MRPS6: variants seen among roughly 807,000 people sequenced by gnomAD.
The protein encoded by MRPS6 is mitochondrial ribosomal protein S6.
A neutral mutation model predicts 13.1 loss-of-function variants in MRPS6; 6 were observed. That is an observed-to-expected ratio of 0.46 (90% CI 0.25 to 0.91). The LOEUF is 0.91. Among genes scored for constraint, MRPS6 ranks in the 40% least tolerant of loss-of-function variants. The pLI, the probability that MRPS6 is intolerant of heterozygous loss-of-function variation, is 0.18. For missense variants in MRPS6, 164 were observed against 155.6 expected, an observed-to-expected ratio of 1.05 and a Z score of -0.29; for synonymous variants, 61 against 56.5, an observed-to-expected ratio of 1.08 and a Z score of -0.36.
chr21:34,104,388 A>T (rs1979384839), intron 1 of MRPS6: 1 of 1,000,092 alleles, frequency 1.0e-6, no homozygotes, highest in Non-Finnish European at 1.2e-6. Context: ...ACCTCCGAGT[A>T]GCTTGTTTAT....
intron 1 of MRPS6, among the ~76,000 whole-genome samples, chr21:34,110,654 C>G (rs1357299603): frequency 6.6e-6 from 1 of 152,194 alleles, no homozygotes; most frequent in Non-Finnish European, 1.5e-5. Context: ...TTACCTCAAA[C>G]ACTGCATGAG....
At chr21:34,139,000 T>A (rs1229441495) in intron 2 of MRPS6, among the ~76,000 whole-genome samples, 1 of 151,108 alleles carries the variant, frequency 6.6e-6, no homozygotes, top group Non-Finnish European at 1.5e-5. Context: ...TGGAATACTA[T>A]GCAGCCATAA....
chr21:34,100,958 A>G (rs775812635), intron 1 of MRPS6: 3 of 1,000,034 alleles, frequency 3.0e-6, no homozygotes, highest in Non-Finnish European at 3.6e-6. Flanking sequence ...ACTTATGATG[A>G]TTCTCCTGGC....
intron 1 of MRPS6, among the ~76,000 whole-genome samples, chr21:34,093,698 A>G (rs770950238): frequency 2.0e-5 from 3 of 152,238 alleles, no homozygotes; most frequent in Non-Finnish European, 4.4e-5. Flanking sequence ...TGTTGTTCGT[A>G]TTGATCTGTC....
At chr21:34,125,510 GT>G (rs1178552351) in intron 2 of MRPS6, 30 bp downstream of exon 2, 1 of 1,610,646 alleles carries the variant, frequency 6.2e-7, no homozygotes, top group Non-Finnish European at 8.5e-7. Flanking sequence ...CTTGAAAGAC[GT>G]TTTTGATAGG....
At chr21:34,123,506 T>A (rs1980196089) in intron 1 of MRPS6, 1 of 151,956 alleles carries the variant, frequency 6.6e-6, no homozygotes, top group Non-Finnish European at 1.5e-5. Context: ...CCTGTCAGCA[T>A]CTCTCTAGAG....
rs777145221 is a variant in MRPS6 at position 34,096,575 on chromosome 21, A to G, written c.45+22830A>G. 5.0e-6 allele frequency: 8 copies of G among 1,613,892 alleles called. No individual in the cohort carries two copies. Among genetic ancestry groups the G allele is most frequent in the Admixed American group, 3.3e-5 (2 of 59,984 alleles). ...CAGTGGCAGCCTTGTTCCTGCTGGC[A>G]ATTTTCTGGAAGCGCTGCAATGAAC... On this transcript the variant is annotated intron_variant, in intron 1 of 2. Transcript: ENST00000399312. This position sits in a 1 kb window ranked among gnomAD's most constrained non-coding sequence, Gnocchi z 5.9.
chr21:34,087,127 TA>T (rs1978428857), intron 1 of MRPS6, among the ~76,000 whole-genome samples: 1 of 152,220 alleles, frequency 6.6e-6, no homozygotes, highest in South Asian at 2.1e-4. Context: ...TACAGGTTTT[TA>T]CTATGTCATG....
intron 2 of MRPS6, among the ~76,000 whole-genome samples, chr21:34,140,156 C>G (rs35999386): frequency 0.21 from 32,476 of 151,150 alleles, 4,282 homozygotes; most frequent in South Asian, 0.37. Flanking sequence ...CTCTTCTCAT[C>G]TTACTGGATT....
Position 34,096,581 on chromosome 21 carries a change from C to T in MRPS6, c.45+22836C>T. On this transcript the variant is annotated intron_variant, in intron 1 of 2. Coordinates refer to ENST00000399312, the MANE Select transcript of MRPS6 (RefSeq NM_032476.4). The surrounding 1 kb of genome is among the most constrained non-coding windows in gnomAD (Gnocchi z 5.9). ...CAGCCTTGTTCCTGCTGGCAATTTT[C>T]TGGAAGCGCTGCAATGAACAAGGGG... 6.2e-7 allele frequency: 1 copy of T among 1,614,086 alleles called. No homozygotes were observed. The highest frequency in any genetic ancestry group is 8.5e-7 in the Non-Finnish European group (1 of 1,179,994).
intron 1 of MRPS6, among the ~76,000 whole-genome samples, chr21:34,079,599 CT>C (rs1354027123): frequency 8.6e-6 from 1 of 116,728 alleles, no homozygotes; most frequent in East Asian, 2.4e-4. Context: ...CCAGACCCAG[CT>C]AATTTTTTTT....
At chr21:34,107,916 A>C (rs999650640) in intron 1 of MRPS6, among the ~76,000 whole-genome samples, 1 of 152,182 alleles carries the variant, frequency 6.6e-6, no homozygotes, top group Non-Finnish European at 1.5e-5. Context: ...AGTGGCTTGG[A>C]GTACTCACTG....
chr21:34,074,703 CAAA>C (rs1989283143), intron 1 of MRPS6, among the ~76,000 whole-genome samples: 2 of 152,124 alleles, frequency 1.3e-5, no homozygotes, highest in Admixed American at 6.5e-5. Context: ...TGTAATAAAA[CAAA>C]AATCATTGTA....
chr21:34,106,214 G>A (rs1393854429), intron 1 of MRPS6: 13 of 969,258 alleles, frequency 1.3e-5, no homozygotes, highest in African/African-American at 1.8e-5. Context: ...TTATTTTATG[G>A]AAATGTTAGC....
In MRPS6 at chr21:34,099,955, C is replaced by T. The variant is rs535887067; in HGVS notation, c.46-25386C>T. On this transcript the variant is annotated intron_variant, in intron 1 of 2. Coordinates refer to ENST00000399312, the MANE Select transcript of MRPS6 (RefSeq NM_032476.4). ...AGGGACCAGTCTTCAATCTATATTT[C>T]ATTAGAATGATTGTTCCTGGAATGA... 17 of 442,826 alleles carry T rather than the reference C, an allele frequency of 3.8e-5. No individual in the cohort carries two copies. In the East Asian group the frequency reaches 2.3e-3, roughly 61 times the overall value. 27.4% of individuals were successfully genotyped at this position (442,826 alleles called of 1,614,324 possible).
chr21:34,097,283 A>G (rs760343616), intron 1 of MRPS6: 1 of 1,613,424 alleles, frequency 6.2e-7, no homozygotes, highest in Non-Finnish European at 8.5e-7. Flanking sequence ...GGCAAGTTAA[A>G]GTAATACTAA....
Position 34,142,829 on chromosome 21 carries a change from G to T in MRPS6, c.*229G>T. 1 of 374,178 alleles carries T rather than the reference G, an allele frequency of 2.7e-6. No individual in the cohort carries two copies. Among genetic ancestry groups the T allele is most frequent in the Non-Finnish European group, 4.7e-6 (1 of 214,566 alleles). 23.2% of individuals were successfully genotyped at this position (374,178 alleles called of 1,614,324 possible). On this transcript the variant is annotated 3_prime_UTR_variant, in exon 3 of 3. Transcript: ENST00000399312. ...GTACCAGTGGATCGTTCTTGATTTT[G>T]TTTTCATTAGTGTCATTTCTTTGTC...
At chr21:34,123,439 C>T (rs144699135) in intron 1 of MRPS6, 3 of 152,170 alleles carry the variant, frequency 2.0e-5, no homozygotes, top group Admixed American at 6.5e-5. Flanking sequence ...GCTTCCTCCC[C>T]GATGGTTTCC....
rs1979665839 is a variant in MRPS6 at position 34,110,786 on chromosome 21, C to T, written c.46-14555C>T. Reference sequence around the variant, plus strand: ...CCTCATGTGTGTTTCTGTTTAAAGACAACATAGTTACTAATTGTTGATAAC... The same window carrying T: ...CCTCATGTGTGTTTCTGTTTAAAGATAACATAGTTACTAATTGTTGATAAC... On this transcript the variant is annotated intron_variant, in intron 1 of 2. Transcript: ENST00000399312. Among the ~76,000 whole-genome samples, 5 of 152,114 alleles carry T rather than the reference C, an allele frequency of 3.3e-5. No individual in the cohort carries two copies. In the South Asian group the frequency reaches 1.0e-3, roughly 32 times the overall value.
Sources: gnomAD v4.1 joint callset for allele counts (sites outside exome capture counted in the v4.1 genomes callset) on GRCh38, gnomAD v4.1.1 for gene constraint, Gnocchi (gnomAD v3.1) non-coding constraint, MANE v1.5 for transcripts, NCBI Gene and HGNC (gene_info 2026-07-23, HGNC 2026-07-21) for gene names.